TEP1: variants seen among roughly 807,000 people sequenced by gnomAD.
TEP1 encodes telomerase associated protein 1, also known as telomerase protein component 1.
In TEP1, 241 loss-of-function variants were observed where a neutral mutation model predicts 306.3. That is an observed-to-expected ratio of 0.79 (90% CI 0.71 to 0.88). TEP1 has a LOEUF of 0.88. Among genes scored for constraint, TEP1 ranks in the 40% least tolerant of loss-of-function variants. The probability of loss-of-function intolerance (pLI) is 0.00; values close to 1 mark genes in which losing one functional copy is unlikely to be tolerated. For missense variants in TEP1, 3,051 were observed against 3,276.1 expected, an observed-to-expected ratio of 0.93 and a Z score of 1.68; for synonymous variants, 1,289 against 1,305.5, an observed-to-expected ratio of 0.99 and a Z score of 0.27.
At chr14:20,409,269 C>A (rs1879444679) in intron 1 of TEP1, among the ~76,000 whole-genome samples, 1 of 152,208 alleles carries the variant, frequency 6.6e-6, no homozygotes, top group Admixed American at 6.5e-5. Context: ...TCCTGATTTT[C>A]TTCTTAAAAC....
rs149133823 is a variant in TEP1 at position 20,408,923 on chromosome 14, G to A, written c.-24-460C>T. On this transcript the variant is annotated intron_variant, in intron 1 of 54. Coordinates refer to ENST00000262715, the MANE Select transcript of TEP1 (RefSeq NM_007110.5). ...AGGAGACCCAACCCCCCTGACCCCC[G>A]CTGCAGGACTATCAGTTTGATCCCT... Among the ~76,000 whole-genome samples the A allele has an allele frequency of 3.7e-3, 567 of 151,802 alleles. 4 individuals carry two copies. The highest frequency in any genetic ancestry group is 0.013 in the African/African-American group (524 of 41,378).
In TEP1 at chr14:20,380,399, C is replaced by T; in HGVS notation, c.4839G>A (p.Gln1613=). ...VAVFRTFLRQ[Q]ASILSQYPRL... ...GGGGGTACTGGCTGAGGATTGAAGC[C>T]TGCTGCCTCAGGAAGGTGCGAAACA... is the stretch of plus-strand genomic sequence containing the variant. Residue 1613 remains glutamine (Q), a synonymous_variant, in exon 34 of 55, where the codon CAG becomes CAA. Coordinates refer to ENST00000262715, the MANE Select transcript of TEP1 (RefSeq NM_007110.5). 6.2e-7 allele frequency: 1 copy of T among 1,614,238 alleles called. No homozygotes were observed. The highest frequency in any genetic ancestry group is 1.1e-5 in the South Asian group (1 of 91,090).
At chr14:20,373,905 T>A in intron 44 of TEP1, 95 bp from the exon 45 acceptor site, 1 of 1,501,932 alleles carries the variant, frequency 6.7e-7, no homozygotes, top group South Asian at 1.3e-5. Flanking sequence ...ATTAGGAGCA[T>A]GGAAGATGTC....
Position 20,382,844 on chromosome 14 carries a change from A to T in TEP1, c.4048-129T>A, listed in dbSNP as rs987813044. On this transcript the variant is annotated intron_variant, in intron 27 of 54. Coordinates refer to ENST00000262715, the MANE Select transcript of TEP1 (RefSeq NM_007110.5). ...CCCCAGCAGACGCCAGGTCCATGGC[A>T]TCATCCCAGGACACAAACCATCCCT... The T allele has an allele frequency of 4.6e-5, 38 of 831,194 alleles. No homozygotes were observed. The Admixed American group carries it at 7.9e-4, about 17-fold the overall frequency. 51.5% of individuals were successfully genotyped at this position (831,194 alleles called of 1,614,324 possible). A position where few individuals can be genotyped will look rare whatever the true frequency, so the allele number is the denominator to read the frequency against.
intron 9 of TEP1, among the ~76,000 whole-genome samples, chr14:20,399,847 T>C (rs1157437910): frequency 6.6e-6 from 1 of 151,792 alleles, no homozygotes; most frequent in African/African-American, 2.4e-5. Flanking sequence ...AGGGAGGAAG[T>C]GGAGATGGGT....
At chr14:20,398,783 C>T (rs570682271) in intron 9 of TEP1, among the ~76,000 whole-genome samples, 2 of 152,322 alleles carry the variant, frequency 1.3e-5, no homozygotes, top group South Asian at 4.1e-4. Flanking sequence ...CACCAGCCCA[C>T]ACCATCAGCA....
intron 44 of TEP1, 86 bp downstream of exon 44, chr14:20,374,343 T>C (rs1594323595): frequency 2.4e-6 from 2 of 839,614 alleles, no homozygotes; most frequent in East Asian, 5.5e-5. Context: ...ATTTTGCCTC[T>C]GGGATTAGAT....
At position 20,377,398 on chromosome 14, in the gene TEP1, C is replaced by A. The variant is rs535483591; in HGVS notation, c.5970G>T (p.Gly1990=). ...CCTTGAGTGCCCAGCCCTGCAAGGA[C>A]CCATCTTCTGCACCACTCACCAATA... ...PKVLVSGAED[G]SLQGWALKEC... The change falls in exon 41 of 55, where the codon GGG becomes GGT. Residue 1990 remains glycine, a synonymous_variant. Coordinates refer to ENST00000262715, the MANE Select transcript of TEP1 (RefSeq NM_007110.5). 1 of 1,614,068 alleles carries A rather than the reference C, an allele frequency of 6.2e-7. No homozygotes were observed. Among genetic ancestry groups the A allele is most frequent in the South Asian group, 1.1e-5 (1 of 91,086 alleles).
rs977230917 is a variant in TEP1, at chr14:20,368,247, A to G, written c.*190T>C. 1.3e-5 allele frequency: 7 copies of G among 546,272 alleles called. No individual in the cohort carries two copies. The highest frequency in any genetic ancestry group is 6.3e-5 in the Admixed American group (2 of 31,702). The allele number at this position is 546,272 out of a possible 1,614,324, so 33.8% of individuals were successfully genotyped here. A position where few individuals can be genotyped will look rare whatever the true frequency, so the allele number is the denominator to read the frequency against. On this transcript the variant is annotated 3_prime_UTR_variant, in exon 55 of 55. Transcript: ENST00000262715. ...GACACACATTAGAATGTACATATAC[A>G]TACACATAGAATATCCTCCTGTTCT...
intron 6 of TEP1, 128 bp downstream of exon 6, chr14:20,403,595 C>T: frequency 6.3e-7 from 1 of 1,585,070 alleles, no homozygotes; most frequent in Non-Finnish European, 8.6e-7. Flanking sequence ...ATGAGCTCTA[C>T]CCAGCTCCCC....
In TEP1 at chr14:20,406,385, A is replaced by T. The variant is rs143599402; in HGVS notation, c.583T>A (p.Ser195Thr). The T allele has an allele frequency of 1.2e-3, 1,965 of 1,614,086 alleles. 1 individual carries two copies. The highest frequency in any genetic ancestry group is 1.6e-3 in the Non-Finnish European group (1,853 of 1,179,996). Residue 195 changes from serine (S) to threonine (T), a missense_variant, in exon 3 of 55, where the codon TCA becomes ACA. Ser to Thr is a moderately conservative substitution (Grantham distance 58). This residue lies in a region of TEP1 where 1,507 missense variants were observed against 1,550.5 expected (regional missense o/e 0.97). Coordinates refer to ENST00000262715, the MANE Select transcript of TEP1 (RefSeq NM_007110.5). The part of the protein sequence containing the change: ...QEATLGRWFD[S>T]EEKKGAETQM... ...GTCTCTGCCCCTTTCTTCTCTTCTG[A>T]ATCAAACCAACGACCCTGGGGTAGT...
At chr14:20,389,977 T>G (rs1055728397) in intron 15 of TEP1, among the ~76,000 whole-genome samples, 1 of 152,206 alleles carries the variant, frequency 6.6e-6, no homozygotes, top group Admixed American at 6.5e-5. Context: ...GAGAGCTGAT[T>G]GTTAAGTTTT....
At position 20,386,973 on chromosome 14, in the gene TEP1, T is replaced by G. The variant is rs1877219194; in HGVS notation, c.2685-350A>C. On this transcript the variant is annotated intron_variant, in intron 18 of 54. Coordinates refer to ENST00000262715, the MANE Select transcript of TEP1 (RefSeq NM_007110.5). ...TTTTGAGACAGAGTTTTGCTCTTGT[T>G]GCCCAGGCTAGAGTAAAATGGCGCG... is the stretch of plus-strand genomic sequence containing the variant. Among the ~76,000 whole-genome samples the G allele has an allele frequency of 2.0e-5, 3 of 151,954 alleles. No individual in the cohort carries two copies. In the South Asian group the frequency reaches 6.2e-4, roughly 32 times the overall value.
At chr14:20,389,561 T>C (rs764956827) in intron 16 of TEP1, 49 bp downstream of exon 16, 8 of 1,605,646 alleles carry the variant, frequency 5.0e-6, no homozygotes, top group Non-Finnish European at 6.8e-6. Flanking sequence ...AGAGAGGAAA[T>C]GTAGACCACT....
At chr14:20,409,787 G>A (rs530025246) in intron 1 of TEP1, among the ~76,000 whole-genome samples, 15 of 152,128 alleles carry the variant, frequency 9.9e-5, no homozygotes, top group Admixed American at 2.0e-4. Flanking sequence ...TTGGGAGGCC[G>A]AGGCGGGCGG....
At chr14:20,397,006 A>G (rs1207209967) in intron 9 of TEP1, among the ~76,000 whole-genome samples, 1 of 152,238 alleles carries the variant, frequency 6.6e-6, no homozygotes, top group Non-Finnish European at 1.5e-5. Flanking sequence ...ATTCACATAC[A>G]ATCTACCCTA....
chr14:20,404,557 G>A, intron 5 of TEP1, 54 bp downstream of exon 5: 1 of 1,570,644 alleles, frequency 6.4e-7, no homozygotes, highest in South Asian at 1.2e-5. Context: ...GATGCAGTGA[G>A]CATAAGAGAA....
chr14:20,412,008 G>A (rs906654027), intron 1 of TEP1, among the ~76,000 whole-genome samples: 10 of 152,066 alleles, frequency 6.6e-5, no homozygotes, highest in Non-Finnish European at 1.5e-4. Context: ...TCATTCATAT[G>A]TAAATATTTT....
chr14:20,390,138 G>C (rs1198922548), intron 15 of TEP1, among the ~76,000 whole-genome samples: 1 of 152,142 alleles, frequency 6.6e-6, no homozygotes. Flanking sequence ...GCTGAGGCAG[G>C]AGAATCACTT....
Sources: gnomAD v4.1 joint callset for allele counts (sites outside exome capture counted in the v4.1 genomes callset) on GRCh38, gnomAD v4.1.1 for gene constraint, gnomAD v4.1.1 regional missense constraint, MANE v1.5 for transcripts, NCBI Gene and HGNC (gene_info 2026-07-23, HGNC 2026-07-21) for gene names.